Variants in DUSP9 observed in about 807,000 individuals in gnomAD.
DUSP9 encodes dual specificity phosphatase 9, also known as dual specificity protein phosphatase 9.
Under a neutral mutation model 13.2 loss-of-function variants are expected in DUSP9, and 4 were observed. The observed-to-expected ratio is 0.30, with a 90% CI of 0.15 to 0.69. The LOEUF (loss-of-function observed/expected upper bound fraction) is 0.69. DUSP9 is among the 30% of genes least tolerant of loss of function. The pLI is 0.73. For missense variants in DUSP9, 263 were observed against 355.0 expected (o/e 0.74, Z 2.08); for synonymous variants, 166 against 172.3 (o/e 0.96, Z 0.29).
chrX:153,646,054 T>G (rs1184330995), upstream of DUSP9, among the ~76,000 whole-genome samples: 2 of 113,071 alleles, frequency 1.8e-5, no homozygotes, highest in African/African-American at 6.4e-5. Flanking sequence ...TACAGGGGTC[T>G]TAACCTTTTA....
upstream of DUSP9, among the ~76,000 whole-genome samples, chrX:153,643,222 C>G (rs1557035038): frequency 1.7e-4 from 19 of 110,728 alleles, no homozygotes. Flanking sequence ...CTCATCCACC[C>G]CAGCACGCGC....
chrX:153,648,013 G>A lies in DUSP9; in HGVS notation c.60G>A (p.Pro20=). 9.1e-7 allele frequency: 1 copy of A among 1,103,506 alleles called. No individual in the cohort carries two copies. The highest frequency in any genetic ancestry group is 1.2e-6 in the Non-Finnish European group (1 of 849,576). 90.9% of individuals were successfully genotyped at this position (1,103,506 alleles called of 1,213,427 possible). Residue 20 remains proline (P), a synonymous_variant, in exon 2 of 4, where the codon CCG becomes CCA. Coordinates refer to ENST00000342782, the MANE Select transcript of DUSP9 (RefSeq NM_001318503.2). ...WLRRELSPPR[P]RLLLLDCRSR... ...GTCGGGAGCTGTCGCCCCCGCGGCCGCGGCTCCTGCTCCTGGACTGCCGCA... is the reference window on the plus strand; with the variant it reads ...GTCGGGAGCTGTCGCCCCCGCGGCCACGGCTCCTGCTCCTGGACTGCCGCA...
rs1472724050 is a variant in DUSP9, at chrX:153,650,441, C to T, written c.*136C>T. The T allele has an allele frequency of 1.3e-5, 6 of 479,542 alleles. No homozygotes were observed. The highest frequency in any genetic ancestry group is 3.3e-5 in the South Asian group (1 of 30,629). The allele number at this position is 479,542 out of a possible 1,213,427, so 39.5% of individuals were successfully genotyped here. ...TGGGGGGAGAGCGCAATACCTCACG[C>T]GGGCTGCCGTCCTAATCAACGTGCC... On this transcript the variant is annotated 3_prime_UTR_variant, in exon 4 of 4. Transcript: ENST00000342782.
At chrX:153,649,757 ACTC>A in intron 3 of DUSP9, 70 bp downstream of exon 3, 1 of 898,886 alleles carries the variant, frequency 1.1e-6, no homozygotes, top group Non-Finnish European at 1.5e-6. Context: ...CCTTGTGAGT[ACTC>A]CTCCCAAGCC....
At position 153,650,175 on chromosome X, in the gene DUSP9, G is replaced by T. The variant is rs782339585; in HGVS notation, c.1025G>T (p.Arg342Leu). ...NFMGQLLDFERSLRLEERHSQ... is the reference protein window; with the variant it reads ...NFMGQLLDFELSLRLEERHSQ... ...ATGGGGCAGTTGCTGGACTTTGAGC[G>T]CAGCTTGCGGCTGGAGGAGCGCCAC... The change falls in exon 4 of 4, where the codon CGC becomes CTC. Residue 342 changes from arginine (R) to leucine (L), a missense_variant. Transcript: ENST00000342782. 3.3e-6 allele frequency: 4 copies of T among 1,212,216 alleles called. No individual in the cohort carries two copies. The South Asian group carries it at 7.0e-5, about 21-fold the overall frequency.
At chrX:153,643,967 C>G (rs1557035174), upstream of DUSP9, among the ~76,000 whole-genome samples, 1 of 112,396 alleles carries the variant, frequency 8.9e-6, no homozygotes, top group African/African-American at 3.2e-5. Flanking sequence ...CCCAGTCCCG[C>G]GAGGAGACCG....
Position 153,651,296 on chromosome X carries a change from T to C in DUSP9, c.*991T>C, listed in dbSNP as rs1218256340. 2.7e-5 allele frequency: 3 copies of C among 112,426 alleles called. No homozygotes were observed. The highest frequency in any genetic ancestry group is 9.7e-5 in the African/African-American group (3 of 30,904). 9.3% of individuals were successfully genotyped at this position (112,426 alleles called of 1,213,427 possible). On this transcript the variant is annotated 3_prime_UTR_variant, in exon 4 of 4. Coordinates refer to ENST00000342782, the MANE Select transcript of DUSP9 (RefSeq NM_001318503.2). ...CATAGTTGCTTTCTTTAATTGTTCC[T>C]TCTGAATAAACAGTTTATTTAAGAT...
At chrX:153,644,281 GGCGGGGGCGGGT>G (rs1166813514), upstream of DUSP9, among the ~76,000 whole-genome samples, 11 of 64,870 alleles carry the variant, frequency 1.7e-4, no homozygotes, top group South Asian at 4.9e-4. Context: ...CGGGGCGCCC[GGCGGGGGCGGGT>G]GCGGGGGCGG....
upstream of DUSP9, among the ~76,000 whole-genome samples, chrX:153,644,122 C>T (rs1557035199): frequency 9.0e-6 from 1 of 111,450 alleles, no homozygotes; most frequent in Non-Finnish European, 1.9e-5. Flanking sequence ...CTCGGCCCGG[C>T]GGGAACGGTG....
chrX:153,648,264 C>A lies in DUSP9; in HGVS notation c.311C>A (p.Ser104Ter). The A allele has an allele frequency of 8.8e-7, 1 of 1,130,261 alleles. No homozygotes were observed. Among genetic ancestry groups the A allele is most frequent in the Admixed American group, 2.8e-5 (1 of 36,034 alleles). 93.1% of individuals were successfully genotyped at this position (1,130,261 alleles called of 1,213,427 possible). The change falls in exon 2 of 4, where the codon TCG (serine) becomes TAG (stop). Residue 104 changes from serine (S) to a stop codon, truncating the protein, a stop_gained. Transcript: ENST00000342782. LOFTEE classifies it high-confidence loss of function. ...GAGGCCGAGGAGTGGGAGGCCGAGTCGGTGCTGGGCACCCTGCTGCAGAAG... is the reference window on the plus strand; with the variant it reads ...GAGGCCGAGGAGTGGGAGGCCGAGTAGGTGCTGGGCACCCTGCTGCAGAAG... Reference protein sequence around the residue: ...EAEAEEWEAESVLGTLLQKLR... With the variant: ...EAEAEEWEAE
intron 1 of DUSP9, 23 bp from the exon 2 acceptor site, chrX:153,647,896 C>T: frequency 1.0e-6 from 1 of 975,909 alleles, no homozygotes; most frequent in East Asian, 4.2e-5. Flanking sequence ...GTAGCTCACA[C>T]CGCGCCTTCT....
chrX:153,648,385 C>A, intron 2 of DUSP9, 59 bp downstream of exon 2: 1 of 1,033,350 alleles, frequency 9.7e-7, no homozygotes. Flanking sequence ...CTTAGGCCAG[C>A]CCCACTTCTT....
chrX:153,644,473 A>AG (rs1557035264), upstream of DUSP9, among the ~76,000 whole-genome samples: 1 of 102,473 alleles, frequency 9.8e-6, no homozygotes, highest in African/African-American at 3.6e-5. Flanking sequence ...CCGGCGCTAC[A>AG]GGGGGCCTGA....
chrX:153,646,205 A>G (rs1024175924), upstream of DUSP9, among the ~76,000 whole-genome samples: 25 of 112,598 alleles, frequency 2.2e-4, no homozygotes, highest in Non-Finnish European at 4.5e-4. Flanking sequence ...CTCCTGCCTC[A>G]GTGCTCACCA....
chrX:153,644,446 C>G (rs1242739118), upstream of DUSP9, among the ~76,000 whole-genome samples: 1 of 107,113 alleles, frequency 9.3e-6, no homozygotes, highest in Non-Finnish European at 2.0e-5. Flanking sequence ...CGGCTGCCGG[C>G]GGGGCGGCGC....
Position 153,650,869 on chromosome X carries a change from TC to T in DUSP9, c.*566del, listed in dbSNP as rs1353524860. 1 of 110,671 alleles carries T rather than the reference TC, an allele frequency of 9.0e-6. No individual in the cohort carries two copies. Among genetic ancestry groups the T allele is most frequent in the South Asian group, 3.8e-4 (1 of 2,632 alleles). 9.1% of individuals were successfully genotyped at this position (110,671 alleles called of 1,213,427 possible). On this transcript the variant is annotated 3_prime_UTR_variant, in exon 4 of 4. Transcript: ENST00000342782. ...GGTGGGCTGTTTTGTTTTTTTTTTT[TC>T]CTCTTCCCCCAGATGTCTTGACGGG...
In DUSP9 at chrX:153,649,866, T is replaced by C. The variant is rs1438624254; in HGVS notation, c.830-114T>C. On this transcript the variant is annotated intron_variant, in intron 3 of 3. Coordinates refer to ENST00000342782, the MANE Select transcript of DUSP9 (RefSeq NM_001318503.2). ...AGAGGCCACTAGAGAAACCTGCAGG[T>C]CGTGGCCATCTGGCCCAGGGGGCAG... is the stretch of plus-strand genomic sequence containing the variant. 3 of 975,459 alleles carry C rather than the reference T, an allele frequency of 3.1e-6. No homozygotes were observed. The Admixed American group carries it at 8.7e-5, about 28-fold the overall frequency. The allele number at this position is 975,459 out of a possible 1,213,427, so 80.4% of individuals were successfully genotyped here.
rs955505549 is a variant in DUSP9 at position 153,651,001 on chromosome X, T to C, written c.*696T>C. 9.0e-6 allele frequency: 1 copy of C among 111,293 alleles called. No homozygotes were observed. The highest frequency in any genetic ancestry group is 3.3e-5 in the African/African-American group (1 of 30,559). The allele number at this position is 111,293 out of a possible 1,213,427, so 9.2% of individuals were successfully genotyped here. On this transcript the variant is annotated 3_prime_UTR_variant, in exon 4 of 4. Coordinates refer to ENST00000342782, the MANE Select transcript of DUSP9 (RefSeq NM_001318503.2). ...GGAGGGGAAGAAGAAGGCCTCACTTTTGCTGCTGCGGGGCCCACACAGCCG... is the reference window on the plus strand; with the variant it reads ...GGAGGGGAAGAAGAAGGCCTCACTTCTGCTGCTGCGGGGCCCACACAGCCG...
chrX:153,645,174 G>C (rs1372258252), upstream of DUSP9, among the ~76,000 whole-genome samples: 1 of 112,861 alleles, frequency 8.9e-6, no homozygotes, highest in Non-Finnish European at 1.9e-5. Flanking sequence ...CTGAGAAAGG[G>C]GGAAAGTGAC....
Sources: gnomAD v4.1 joint callset for allele counts (sites outside exome capture counted in the v4.1 genomes callset) on GRCh38, gnomAD v4.1.1 for gene constraint, MANE v1.5 for transcripts, NCBI Gene and HGNC (gene_info 2026-07-23, HGNC 2026-07-21) for gene names.